TRERF1: variants seen among roughly 807,000 people sequenced by gnomAD.
TRERF1 encodes the protein transcriptional regulating factor 1.
In TRERF1, 27 loss-of-function variants were observed where a neutral mutation model predicts 122.9. The ratio of observed to expected loss-of-function variants is 0.22; its 90% CI spans 0.16 to 0.30. The LOEUF (loss-of-function observed/expected upper bound fraction) is 0.30, where lower values mean the gene tolerates loss of function less well. Ranked by LOEUF, TRERF1 falls within the 10% of genes least tolerant of loss-of-function variation. The pLI is 1.00. For synonymous variants in TRERF1, 636 were observed against 641.7 expected, an observed-to-expected ratio of 0.99 and a Z score of 0.13; for missense variants, 1,248 against 1,560.3, an observed-to-expected ratio of 0.80 and a Z score of 3.37.
intron 8 of TRERF1, among the ~76,000 whole-genome samples, chr6:42,262,960 G>T (rs1268705287): frequency 6.6e-6 from 1 of 152,164 alleles, no homozygotes; most frequent in Non-Finnish European, 1.5e-5. Context: ...TGGGATACAG[G>T]ACTTCCATAT....
chr6:42,274,331 T>C (rs774087925), intron 4 of TRERF1, among the ~76,000 whole-genome samples: 1 of 152,126 alleles, frequency 6.6e-6, no homozygotes, highest in African/African-American at 2.4e-5. Flanking sequence ...AGAGAGGTAA[T>C]TTCTGGGCCT....
intron 15 of TRERF1, among the ~76,000 whole-genome samples, chr6:42,238,897 A>C (rs1474085338): frequency 6.6e-6 from 1 of 151,498 alleles, no homozygotes; most frequent in African/African-American, 2.4e-5. Flanking sequence ...AACACTGTAA[A>C]ATTTTTTCAT....
chr6:42,445,864 G>A (rs1051033461), intron 2 of TRERF1, among the ~76,000 whole-genome samples: 1 of 152,036 alleles, frequency 6.6e-6, no homozygotes, highest in Non-Finnish European at 1.5e-5. Context: ...TTCTTAAAAC[G>A]TGAATTAGGG....
At chr6:42,431,309 G>T (rs575625553) in intron 2 of TRERF1, among the ~76,000 whole-genome samples, 1 of 152,052 alleles carries the variant, frequency 6.6e-6, no homozygotes, top group South Asian at 2.1e-4. Flanking sequence ...AGGGAAGGTG[G>T]GTAGGTAGAA....
rs118152899 is a variant in TRERF1, at chr6:42,292,257, G to A, written c.-259+8381C>T. 2.1e-4 allele frequency among the ~76,000 whole-genome samples: 32 copies of A among 152,242 alleles called. No individual in the cohort carries two copies. The East Asian group carries it at 5.0e-3, about 24-fold the overall frequency. ...GAGTTGGTTTGGTTATTTGTTTCCT[G>A]GACAACCTTCAGCCCTCCTTTTGTT... is the stretch of plus-strand genomic sequence containing the variant. On this transcript the variant is annotated intron_variant, in intron 4 of 17. Coordinates refer to ENST00000372922, the Ensembl canonical transcript of TRERF1.
intron 2 of TRERF1, among the ~76,000 whole-genome samples, chr6:42,448,041 T>A (rs757143716): frequency 1.3e-5 from 2 of 152,104 alleles, no homozygotes; most frequent in Non-Finnish European, 2.9e-5. Flanking sequence ...CCAAAGTCAA[T>A]AAAAACATCA....
intron 4 of TRERF1, among the ~76,000 whole-genome samples, chr6:42,298,435 T>C (rs13209537): frequency 0.15 from 22,300 of 151,308 alleles, 1,992 homozygotes; most frequent in African/African-American, 0.25. Context: ...GGATTACAGG[T>C]ATGAGCTATT....
At chr6:42,240,346 A>G (rs1773403225) in intron 15 of TRERF1, among the ~76,000 whole-genome samples, 1 of 152,202 alleles carries the variant, frequency 6.6e-6, no homozygotes, top group Non-Finnish European at 1.5e-5. Context: ...ACCTTAGAAG[A>G]CCATATTCTC....
chr6:42,364,515 G>A (rs1772360436), intron 2 of TRERF1, among the ~76,000 whole-genome samples: 2 of 152,206 alleles, frequency 1.3e-5, no homozygotes, highest in African/African-American at 4.8e-5. Context: ...GCTGTTGAAA[G>A]ACTTTGTATG....
Position 42,243,125 on chromosome 6 carries a change from GT to G in TRERF1, c.2859+122del, listed in dbSNP as rs1325745402. On this transcript the variant is annotated intron_variant, in intron 15 of 17. Coordinates refer to ENST00000372922, the Ensembl canonical transcript of TRERF1. ...CTGAATCCTGCAGGAGAGCTGGGCT[GT>G]TGTCACCTCCTTCCTCTGGCTATCT... 7 of 783,720 alleles carry G rather than the reference GT, an allele frequency of 8.9e-6. No individual in the cohort carries two copies. In the African/African-American group the frequency reaches 1.2e-4, roughly 13 times the overall value. 48.5% of individuals were successfully genotyped at this position (783,720 alleles called of 1,614,324 possible). A position where few individuals can be genotyped will look rare whatever the true frequency, so the allele number is the denominator to read the frequency against.
At chr6:42,258,267 T>G in intron 9 of TRERF1, 66 bp from the exon 10 acceptor site, 16 of 1,437,806 alleles carry the variant, frequency 1.1e-5, no homozygotes, top group African/African-American at 1.4e-5. Context: ...CTAAAGCAAA[T>G]GAGCAGTTAC....
At chr6:42,385,513 G>A (rs1004777721) in intron 2 of TRERF1, among the ~76,000 whole-genome samples, 1 of 152,114 alleles carries the variant, frequency 6.6e-6, no homozygotes, top group African/African-American at 2.4e-5. Flanking sequence ...AGGAACGCAG[G>A]TGCACTCACA....
chr6:42,311,844 C>T (rs1761722452), intron 3 of TRERF1, among the ~76,000 whole-genome samples: 8 of 150,608 alleles, frequency 5.3e-5, no homozygotes, highest in Admixed American at 3.3e-4. Flanking sequence ...TCACTTTTCA[C>T]GTGGAGAACA....
chr6:42,266,349 C>T (rs1262830524), intron 5 of TRERF1, among the ~76,000 whole-genome samples: 1 of 152,132 alleles, frequency 6.6e-6, no homozygotes, highest in East Asian at 1.9e-4. Flanking sequence ...CCACAACACC[C>T]AGCTAAATTT....
intron 3 of TRERF1, among the ~76,000 whole-genome samples, chr6:42,323,258 G>T (rs1241684547): frequency 6.6e-6 from 1 of 151,094 alleles, no homozygotes; most frequent in Non-Finnish European, 1.5e-5. Flanking sequence ...GAGTGCAGTG[G>T]TGTGATCTCG....
Position 42,451,168 on chromosome 6 carries a change from C to A in TRERF1, c.-454+9G>T, listed in dbSNP as rs1788417443. 6.6e-6 allele frequency: 1 copy of A among 151,840 alleles called. No homozygotes were observed. Among genetic ancestry groups the A allele is most frequent in the African/African-American group, 2.4e-5 (1 of 41,370 alleles). The allele number at this position is 151,840 out of a possible 1,614,324, so 9.4% of individuals were successfully genotyped here. Reference sequence around the variant, plus strand: ...TTTAAAAATGAAACTTAATAAGCTTCTTGCCTACCTTGGCTGTTTCTGCAA... The same window carrying A: ...TTTAAAAATGAAACTTAATAAGCTTATTGCCTACCTTGGCTGTTTCTGCAA... On this transcript the variant is annotated intron_variant, in intron 2 of 17. Transcript: ENST00000372922.
At position 42,289,357 on chromosome 6, in the gene TRERF1, AC is replaced by A. The variant is rs1783891788; in HGVS notation, c.-259+11280del. The stretch of plus-strand genomic sequence containing the variant: ...AAAAAAACAAACAAACAAAAAAAAA[AC>A]AAAAAAAAACACAACCCAGCAACAA... On this transcript the variant is annotated intron_variant, in intron 4 of 17. Coordinates refer to ENST00000372922, the Ensembl canonical transcript of TRERF1. Among the ~76,000 whole-genome samples the A allele has an allele frequency of 6.9e-5, 10 of 144,210 alleles. No homozygotes were observed. In the East Asian group the frequency reaches 7.8e-4, roughly 11 times the overall value. 94.6% of individuals were successfully genotyped at this position (144,210 alleles called of 152,430 possible).
At chr6:42,225,763 C>T (rs1769423274) in exon 18 of TRERF1, 1 of 151,948 alleles carries the variant, frequency 6.6e-6, no homozygotes, top group Admixed American at 6.6e-5. Flanking sequence ...CAATAGAACT[C>T]CTAGAAAATA....
In TRERF1 at chr6:42,228,438, C is replaced by G. The variant is rs1292275483; in HGVS notation, c.3510G>C (p.Leu1170Phe). ...CTTCAGCCTCTTCCATGACACCTCCCAACTGCTGGACGACGTCGTCGTCGA... is the reference window on the plus strand; with the variant it reads ...CTTCAGCCTCTTCCATGACACCTCCGAACTGCTGGACGACGTCGTCGTCGA... Residue 1170 changes from leucine (L) to phenylalanine (F), a missense_variant, in exon 18 of 18, where the codon TTG becomes TTC. This residue lies in a region of TRERF1 where 84 missense variants were observed against 116.0 expected (regional missense o/e 0.72). Coordinates refer to ENST00000372922, the Ensembl canonical transcript of TRERF1. The surrounding 1 kb of genome is among the most constrained non-coding windows in gnomAD (Gnocchi z 4.2). 2 of 1,614,082 alleles carry G rather than the reference C, an allele frequency of 1.2e-6. No individual in the cohort carries two copies. Among genetic ancestry groups the G allele is most frequent in the African/African-American group, 1.3e-5 (1 of 74,938 alleles).
Sources: allele counts gnomAD v4.1 joint callset (sites outside exome capture counted in the v4.1 genomes callset), GRCh38; gene constraint gnomAD v4.1.1; regional missense constraint gnomAD v4.1.1; non-coding constraint Gnocchi (gnomAD v3.1); transcripts MANE v1.5; gene names NCBI Gene and HGNC (gene_info 2026-07-23, HGNC 2026-07-21).